The following LSM7 variants were observed in gnomAD, a reference collection of about 807,000 sequenced individuals.
LSM7 encodes the protein U6 snRNA-associated Sm-like protein LSm7.
In LSM7, 13 loss-of-function variants were observed where a neutral mutation model predicts 14.1. The ratio of observed to expected loss-of-function variants is 0.92; its 90% CI spans 0.60 to 1.47. The LOEUF is 1.47. Ranked by LOEUF, LSM7 falls within the 40% of genes most tolerant of loss-of-function variation. The pLI is 0.00. For synonymous variants in LSM7, 70 were observed against 57.1 expected, an observed-to-expected ratio of 1.23 and a Z score of -1.02; for missense variants, 108 against 140.8, an observed-to-expected ratio of 0.77 and a Z score of 1.18.
At chr19:2,322,261 C>T (rs1490719017) in intron 3 of LSM7, among the ~76,000 whole-genome samples, 9 of 152,186 alleles carry the variant, frequency 5.9e-5, no homozygotes, top group Admixed American at 1.3e-4. Context: ...GGCTGGGGGC[C>T]GGGCGCGGTG....
chr19:2,323,907 G>C lies in LSM7; in HGVS notation c.169+218C>G, dbSNP rs866780658. On this transcript the variant is annotated intron_variant, in intron 3 of 3. Coordinates refer to ENST00000252622, the MANE Select transcript of LSM7 (RefSeq NM_016199.3). ...CCACAACAATGGGGTTTCCTGCTTT[G>C]TGAGGACGTCTAGGACCAGTGAGCG... Among the ~76,000 whole-genome samples, 5 of 152,320 alleles carry C rather than the reference G, an allele frequency of 3.3e-5. No homozygotes were observed. In the South Asian group the frequency reaches 1.0e-3, roughly 32 times the overall value.
chr19:2,328,185 A>G (rs898791228), intron 2 of LSM7: 2 of 550,810 alleles, frequency 3.6e-6, no homozygotes, highest in Admixed American at 3.3e-5. Context: ...CACAAGAATC[A>G]CTTGAACCTG....
chr19:2,324,422 G>T (rs865982755), intron 2 of LSM7: 9 of 547,340 alleles, frequency 1.6e-5, no homozygotes, highest in Non-Finnish European at 2.7e-5. Context: ...ACTTCTGGCC[G>T]TGTGGGCCAC....
At chr19:2,323,553 C>A (rs1021132850) in intron 3 of LSM7, among the ~76,000 whole-genome samples, 2 of 152,110 alleles carry the variant, frequency 1.3e-5, no homozygotes, top group African/African-American at 4.8e-5. Context: ...CAGGTTCAAG[C>A]GATTCTCCTG....
At chr19:2,323,247 G>A (rs1364886918) in intron 3 of LSM7, among the ~76,000 whole-genome samples, 1 of 152,168 alleles carries the variant, frequency 6.6e-6, no homozygotes, top group African/African-American at 2.4e-5. Flanking sequence ...CAGGGACCCT[G>A]CGTTCATAGC....
Position 2,323,404 on chromosome 19 carries a change from T to C in LSM7, c.169+721A>G, listed in dbSNP as rs558806281. Among the ~76,000 whole-genome samples the C allele has an allele frequency of 4.6e-5, 7 of 152,292 alleles. No individual in the cohort carries two copies. The East Asian group carries it at 1.4e-3, about 29-fold the overall frequency. ...TGGGAGGCTGAAGCAGGAGGATGGC[T>C]TGAGCCCAGGAGTTCGAGACCAGCC... On this transcript the variant is annotated intron_variant, in intron 3 of 3. Transcript: ENST00000252622.
chr19:2,324,389 C>G, intron 2 of LSM7, 193 bp from the exon 3 acceptor site: 1 of 576,480 alleles, frequency 1.7e-6, no homozygotes, highest in Non-Finnish European at 3.2e-6. Context: ...CAGACCACGT[C>G]TGCGGGGGGC....
Position 2,321,622 on chromosome 19 carries a change from G to C in LSM7, c.*58C>G. Reference sequence around the variant, plus strand: ...GTACTGCGGTGGGAGCAGCAGCCAAGTCCGCGGGAAACCGAGCTGCTCGGG... The same window carrying C: ...GTACTGCGGTGGGAGCAGCAGCCAACTCCGCGGGAAACCGAGCTGCTCGGG... On this transcript the variant is annotated 3_prime_UTR_variant, in exon 4 of 4. Coordinates refer to ENST00000252622, the MANE Select transcript of LSM7 (RefSeq NM_016199.3). The surrounding 1 kb of genome is among the most constrained non-coding windows in gnomAD (Gnocchi z 5.0). 3 of 1,348,112 alleles carry C rather than the reference G, an allele frequency of 2.2e-6. No homozygotes were observed. The highest frequency in any genetic ancestry group is 1.8e-5 in the South Asian group (1 of 56,294). 83.5% of individuals were successfully genotyped at this position (1,348,112 alleles called of 1,614,324 possible). A position where few individuals can be genotyped will look rare whatever the true frequency, so the allele number is the denominator to read the frequency against.
chr19:2,325,982 A>G (rs1242121414), intron 2 of LSM7: 4 of 152,288 alleles, frequency 2.6e-5, no homozygotes, highest in South Asian at 2.1e-4. Context: ...AAACTCACCT[A>G]TAAGATGGGG....
chr19:2,326,310 TTTTGTGTGTGTGTG>T (rs2145125497), intron 2 of LSM7, among the ~76,000 whole-genome samples: 1 of 99,784 alleles, frequency 1.0e-5, no homozygotes, highest in South Asian at 3.1e-4. Context: ...CCTTTCTGCT[TTTTGTGTGTGTGTG>T]TGTGTGTGTG....
At position 2,324,036 on chromosome 19, in the gene LSM7, C is replaced by T. The variant is rs1163972373; in HGVS notation, c.169+89G>A. 7 of 908,520 alleles carry T rather than the reference C, an allele frequency of 7.7e-6. No individual in the cohort carries two copies. The South Asian group carries it at 8.1e-5, about 10-fold the overall frequency. The allele number at this position is 908,520 out of a possible 1,614,324, so 56.3% of individuals were successfully genotyped here. A position where few individuals can be genotyped will look rare whatever the true frequency, so the allele number is the denominator to read the frequency against. On this transcript the variant is annotated intron_variant, in intron 3 of 3. Transcript: ENST00000252622. ...AGCAGGGAGCCCCACGGCTGCCCCC[C>T]TCGTCCCACTGCCCCCCTCGTCCCG...
intron 2 of LSM7, chr19:2,327,906 C>G (rs1024483879): frequency 6.3e-6 from 1 of 158,154 alleles, no homozygotes; most frequent in Non-Finnish European, 1.4e-5. Flanking sequence ...TCTCACCACC[C>G]CCTGTGAAGT....
rs151292577 is a variant in LSM7, at chr19:2,325,507, C to T, written c.98-1311G>A. Among the ~76,000 whole-genome samples the T allele has an allele frequency of 2.1e-3, 327 of 152,106 alleles. 1 individual carries two copies. Among genetic ancestry groups the T allele is most frequent in the African/African-American group, 7.7e-3 (318 of 41,538 alleles). ...GCACGCCCACGCCAATCTCAGGAAGCAGGCACCACCAATCTCGGGAAGCAG... is the reference window on the plus strand; with the variant it reads ...GCACGCCCACGCCAATCTCAGGAAGTAGGCACCACCAATCTCGGGAAGCAG... On this transcript the variant is annotated intron_variant, in intron 2 of 3. Coordinates refer to ENST00000252622, the MANE Select transcript of LSM7 (RefSeq NM_016199.3).
At chr19:2,322,262 G>T (rs577916483) in intron 3 of LSM7, among the ~76,000 whole-genome samples, 1 of 152,324 alleles carries the variant, frequency 6.6e-6, no homozygotes, top group South Asian at 2.1e-4. Context: ...GCTGGGGGCC[G>T]GGCGCGGTGG....
Position 2,321,709 on chromosome 19 carries a change from TG to T in LSM7, c.282del (p.Asn95ThrfsTer?). 1 of 1,565,964 alleles carries T rather than the reference TG, an allele frequency of 6.4e-7. No individual in the cohort carries two copies. Among genetic ancestry groups the T allele is most frequent in the Non-Finnish European group, 8.6e-7 (1 of 1,157,528 alleles). ...GCGTCCTGCTGCTGGATGAAGGGGT[TG>T]GGGATGGCCTCCATGCCGTCCTGCG... ...ICPQDGMEAI[P>X]NPFIQQQDA On this transcript the variant is annotated frameshift_variant, in exon 4 of 4. Coordinates refer to ENST00000252622, the MANE Select transcript of LSM7 (RefSeq NM_016199.3). LOFTEE classifies it high-confidence loss of function. This position sits in a 1 kb window ranked among gnomAD's most constrained non-coding sequence, Gnocchi z 5.0.
intron 3 of LSM7, among the ~76,000 whole-genome samples, chr19:2,322,051 C>T (rs1967943151): frequency 6.6e-6 from 1 of 152,220 alleles, no homozygotes; most frequent in African/African-American, 2.4e-5. Context: ...CCACAGCCCT[C>T]CCTCACTCCA....
At chr19:2,325,784 C>A (rs1968005587) in intron 2 of LSM7, among the ~76,000 whole-genome samples, 1 of 152,252 alleles carries the variant, frequency 6.6e-6, no homozygotes, top group Admixed American at 6.5e-5. Context: ...GGCTCTCCTG[C>A]TCTGCTGGCA....
chr19:2,322,063 A>T (rs1967943320), intron 3 of LSM7, among the ~76,000 whole-genome samples: 1 of 152,092 alleles, frequency 6.6e-6, no homozygotes, highest in Non-Finnish European at 1.5e-5. Context: ...CTCACTCCAC[A>T]AACCATGGGA....
In LSM7 at chr19:2,323,952, C is replaced by T. The variant is rs562836938; in HGVS notation, c.169+173G>A. 4.3e-4 allele frequency among the ~76,000 whole-genome samples: 66 copies of T among 152,240 alleles called. 1 individual carries two copies. The East Asian group carries it at 7.1e-3, about 16-fold the overall frequency. On this transcript the variant is annotated intron_variant, in intron 3 of 3. Coordinates refer to ENST00000252622, the MANE Select transcript of LSM7 (RefSeq NM_016199.3). ...TGAGCGCTCAAGCCCGTCCATCGGC[C>T]GCCACGAGGCTTCACGTTGGTAACT...
Sources: allele counts gnomAD v4.1 joint callset (sites outside exome capture counted in the v4.1 genomes callset), GRCh38; gene constraint gnomAD v4.1.1; non-coding constraint Gnocchi (gnomAD v3.1); transcripts MANE v1.5; gene names NCBI Gene and HGNC (gene_info 2026-07-23, HGNC 2026-07-21).